Variants in GRIK3 observed in about 807,000 individuals in gnomAD.
The protein encoded by GRIK3 is glutamate ionotropic receptor kainate type subunit 3.
Under a neutral mutation model 102.5 loss-of-function variants are expected in GRIK3, and 29 were observed. The observed-to-expected ratio is 0.28, with a 90% CI of 0.21 to 0.39. The LOEUF (loss-of-function observed/expected upper bound fraction) is 0.39, where lower values mean the gene tolerates loss of function less well. Ranked by LOEUF, GRIK3 falls within the 10% of genes least tolerant of loss-of-function variation. The pLI, the probability that GRIK3 is intolerant of heterozygous loss-of-function variation, is 1.00. For synonymous variants in GRIK3, 511 were observed against 504.9 expected, an observed-to-expected ratio of 1.01 and a Z score of -0.16; for missense variants, 908 against 1,252.4, an observed-to-expected ratio of 0.73 and a Z score of 4.15.
rs190224271 is a variant in GRIK3, at chr1:36,920,042, G to A, written c.116-28946C>T. 2.6e-4 allele frequency among the ~76,000 whole-genome samples: 40 copies of A among 152,338 alleles called. 1 individual carries two copies. The East Asian group carries it at 7.1e-3, about 27-fold the overall frequency. On this transcript the variant is annotated intron_variant, in intron 1 of 15. Transcript: ENST00000373091. Reference sequence around the variant, plus strand: ...CCACCCCAGGCTCAGCTCTGCCAAGGGCCAAGGACCACGGCTGAGAAGAAA... The same window carrying A: ...CCACCCCAGGCTCAGCTCTGCCAAGAGCCAAGGACCACGGCTGAGAAGAAA...
At chr1:36,939,711 C>T (rs1017265099) in intron 1 of GRIK3, among the ~76,000 whole-genome samples, 2 of 152,240 alleles carry the variant, frequency 1.3e-5, no homozygotes, top group African/African-American at 4.8e-5. Context: ...CCCCTCCAAA[C>T]ACCACTCCAA....
At chr1:37,020,636 GAA>G (rs922167526) in intron 1 of GRIK3, among the ~76,000 whole-genome samples, 1 of 146,130 alleles carries the variant, frequency 6.8e-6, no homozygotes, top group Non-Finnish European at 1.5e-5. Flanking sequence ...ATGTGGAAAG[GAA>G]AAAAAAAAGG....
intron 5 of GRIK3, 139 bp from the exon 6 acceptor site, chr1:36,860,156 G>A (rs1288938950): frequency 3.2e-6 from 2 of 617,608 alleles, no homozygotes; most frequent in East Asian, 2.8e-5. Flanking sequence ...GAGGGGGTGC[G>A]GGATATCGGG....
In GRIK3 at chr1:36,937,686, A is replaced by T. The variant is rs192108116; in HGVS notation, c.116-46590T>A. Among the ~76,000 whole-genome samples the T allele has an allele frequency of 2.6e-5, 4 of 152,324 alleles. No homozygotes were observed. In the East Asian group the frequency reaches 7.7e-4, roughly 29 times the overall value. ...CTAGTTGAGGAAATAAGTAAGACTCAAAAGAAAAAAAAAGAAAATAAACGA... is the reference window on the plus strand; with the variant it reads ...CTAGTTGAGGAAATAAGTAAGACTCTAAAGAAAAAAAAAGAAAATAAACGA... On this transcript the variant is annotated intron_variant, in intron 1 of 15. Transcript: ENST00000373091.
At chr1:37,014,380 G>C (rs527832771) in intron 1 of GRIK3, among the ~76,000 whole-genome samples, 99 of 152,372 alleles carry the variant, frequency 6.5e-4, no homozygotes, top group African/African-American at 2.2e-3. Context: ...GGGATAGGGA[G>C]GGGGAAAGAA....
intron 8 of GRIK3, among the ~76,000 whole-genome samples, chr1:36,852,543 GAGCAGGGC>G (rs1640597427): frequency 6.6e-6 from 1 of 152,220 alleles, no homozygotes; most frequent in South Asian, 2.1e-4. Context: ...GGCAGTTTCA[GAGCAGGGC>G]AGAGCTGTGC....
At chr1:37,025,665 C>T (rs1321424780) in intron 1 of GRIK3, among the ~76,000 whole-genome samples, 1 of 152,186 alleles carries the variant, frequency 6.6e-6, no homozygotes, top group Non-Finnish European at 1.5e-5. Context: ...CTCCCTCATT[C>T]CCATATTTAA....
intron 1 of GRIK3, among the ~76,000 whole-genome samples, chr1:37,005,184 C>T (rs1251421474): frequency 1.3e-5 from 2 of 152,218 alleles, no homozygotes; most frequent in East Asian, 1.9e-4. Flanking sequence ...TCCCTGATGG[C>T]CCTGCTTGCC....
chr1:36,887,557 C>T (rs1641053719), intron 2 of GRIK3, among the ~76,000 whole-genome samples: 1 of 151,810 alleles, frequency 6.6e-6, no homozygotes, highest in Non-Finnish European at 1.5e-5. Flanking sequence ...GAGTTCGAGA[C>T]CAGTCTGGCC....
At chr1:36,956,488 T>C (rs1164599277) in intron 1 of GRIK3, among the ~76,000 whole-genome samples, 3 of 151,808 alleles carry the variant, frequency 2.0e-5, no homozygotes, top group African/African-American at 7.3e-5. Flanking sequence ...CCTTCCACGC[T>C]GGTGTGTGGG....
intron 1 of GRIK3, among the ~76,000 whole-genome samples, chr1:36,956,042 G>C (rs1217739675): frequency 6.6e-6 from 1 of 152,260 alleles, no homozygotes; most frequent in East Asian, 1.9e-4. Context: ...CAGCCAGAGC[G>C]GGGCCTGTGG....
intron 10 of GRIK3, among the ~76,000 whole-genome samples, chr1:36,828,425 A>G (rs975531979): frequency 5.3e-5 from 8 of 152,114 alleles, no homozygotes; most frequent in Non-Finnish European, 8.8e-5. Context: ...TTTGCTGTGC[A>G]CCTTTTCTAT....
At position 37,034,042 on chromosome 1, in the gene GRIK3, C is replaced by T; in HGVS notation, c.67G>A (p.Ala23Thr). The T allele has an allele frequency of 6.2e-7, 1 of 1,606,322 alleles. No homozygotes were observed. The highest frequency in any genetic ancestry group is 8.5e-7 in the Non-Finnish European group (1 of 1,177,132). ...WEYWAGLLVC[A>T]FWIPDSRGMP... ...CCGCGCGAGTCCGGGATCCAGAAGG[C>T]GCACACGAGGAGCCCGGCCCAGTAT... The change falls in exon 1 of 16, where the codon GCC (alanine) becomes ACC (threonine). Residue 23 changes from alanine to threonine, a missense_variant. Physicochemically the swap from Ala to Thr is moderately conservative, Grantham distance 58. Coordinates refer to ENST00000373091, the MANE Select transcript of GRIK3 (RefSeq NM_000831.4).
intron 10 of GRIK3, among the ~76,000 whole-genome samples, chr1:36,830,406 A>G (rs758733848): frequency 6.0e-5 from 9 of 150,294 alleles, no homozygotes; most frequent in South Asian, 2.2e-4. Flanking sequence ...GGTACCTATG[A>G]GTATGATCTT....
At chr1:36,829,721 G>A (rs1455892127) in intron 10 of GRIK3, among the ~76,000 whole-genome samples, 1 of 152,102 alleles carries the variant, frequency 6.6e-6, no homozygotes, top group Non-Finnish European at 1.5e-5. Flanking sequence ...ATCCTTGCAT[G>A]AGGTCACCTG....
chr1:36,805,106 G>A lies in GRIK3; in HGVS notation c.2446C>T (p.Leu816=). The A allele has an allele frequency of 6.2e-7, 1 of 1,614,218 alleles. No individual in the cohort carries two copies. The highest frequency in any genetic ancestry group is 8.5e-7 in the Non-Finnish European group (1 of 1,180,046). ...PEEENKEASA[L]GIQKIGGIFI... is the part of the protein sequence containing the mutation. ...ATGCCCCCGATCTTCTGGATCCCCA[G>A]GGCACTGGCCTCTTTGTTTTCCTCC... Residue 816 remains leucine, a synonymous_variant, in exon 15 of 16, where the codon CTG becomes TTG. Coordinates refer to ENST00000373091, the MANE Select transcript of GRIK3 (RefSeq NM_000831.4).
At chr1:37,020,991 G>T (rs567285722) in intron 1 of GRIK3, among the ~76,000 whole-genome samples, 1 of 152,084 alleles carries the variant, frequency 6.6e-6, no homozygotes, top group Non-Finnish European at 1.5e-5. Flanking sequence ...TATTTCTCTC[G>T]CAGTGTGGAA....
rs1226193440 is a variant in GRIK3, at chr1:36,880,397, GC to G, written c.550+236del. On this transcript the variant is annotated intron_variant, in intron 3 of 15. Coordinates refer to ENST00000373091, the MANE Select transcript of GRIK3 (RefSeq NM_000831.4). This position sits in a 1 kb window ranked among gnomAD's most constrained non-coding sequence, Gnocchi z 5.4. ...GAACACTTGTGCTGCTAGAGGAGGA[GC>G]TGAGTGTGAGGCAGGGGTGAGGTGC... Among the ~76,000 whole-genome samples the G allele has an allele frequency of 1.3e-5, 2 of 152,330 alleles. No homozygotes were observed. The highest frequency in any genetic ancestry group is 3.9e-4 in the East Asian group (2 of 5,188).
intron 5 of GRIK3, among the ~76,000 whole-genome samples, chr1:36,863,219 C>T (rs1465924061): frequency 2.0e-5 from 3 of 152,094 alleles, no homozygotes; most frequent in African/African-American, 7.2e-5. Flanking sequence ...CTCCAGAGCC[C>T]TCCCTCTTCC....
Sources: gnomAD v4.1 joint callset for allele counts (sites outside exome capture counted in the v4.1 genomes callset) on GRCh38, gnomAD v4.1.1 for gene constraint, Gnocchi (gnomAD v3.1) non-coding constraint, MANE v1.5 for transcripts, NCBI Gene and HGNC (gene_info 2026-07-23, HGNC 2026-07-21) for gene names.